STXBP5L: variants seen among roughly 807,000 people sequenced by gnomAD.
STXBP5L encodes syntaxin binding protein 5L, also known as syntaxin-binding protein 5-like.
STXBP5L carries 65 observed loss-of-function variants against 144.5 expected under a neutral mutation model. The ratio of observed to expected loss-of-function variants is 0.45; its 90% confidence interval spans 0.37 to 0.55. The LOEUF is 0.55. Among genes scored for constraint, STXBP5L ranks in the 20% least tolerant of loss-of-function variants. The pLI, the probability that STXBP5L is intolerant of heterozygous loss-of-function variation, is 0.00. For missense variants in STXBP5L, 1,298 were observed against 1,405.5 expected, an observed-to-expected ratio of 0.92 and a Z score of 1.22; for synonymous variants, 505 against 469.6, an observed-to-expected ratio of 1.08 and a Z score of -0.97.
intron 5 of STXBP5L, among the ~76,000 whole-genome samples, chr3:121,053,126 A>G (rs1237196096): frequency 2.0e-5 from 3 of 152,220 alleles, no homozygotes; most frequent in African/African-American, 7.2e-5. Context: ...TTCCATGCTC[A>G]TGGGTAGGAA....
intron 5 of STXBP5L, among the ~76,000 whole-genome samples, chr3:121,093,323 A>G (rs1224932122): frequency 6.6e-6 from 1 of 151,980 alleles, no homozygotes; most frequent in Non-Finnish European, 1.5e-5. Context: ...TTTTCTATTG[A>G]TTGGAATAGT....
intron 22 of STXBP5L, among the ~76,000 whole-genome samples, chr3:121,390,006 A>T (rs951551331): frequency 1.3e-5 from 2 of 152,048 alleles, no homozygotes; most frequent in African/African-American, 4.8e-5. Flanking sequence ...TCCCATTATT[A>T]TTGTGTGGGA....
At chr3:120,929,093 A>G (rs1257198505) in intron 2 of STXBP5L, among the ~76,000 whole-genome samples, 1 of 152,150 alleles carries the variant, frequency 6.6e-6, no homozygotes, top group Non-Finnish European at 1.5e-5. Context: ...GAGGCATTCT[A>G]TGTGATTGGT....
intron 3 of STXBP5L, among the ~76,000 whole-genome samples, chr3:121,005,516 T>G (rs1576635957): frequency 6.6e-6 from 1 of 152,308 alleles, no homozygotes; most frequent in Non-Finnish European, 1.5e-5. Flanking sequence ...CTGGATTCAT[T>G]GATGTTTTGA....
intron 22 of STXBP5L, among the ~76,000 whole-genome samples, chr3:121,393,003 TC>T (rs1489983669): frequency 6.6e-6 from 1 of 151,914 alleles, no homozygotes; most frequent in African/African-American, 2.4e-5. Flanking sequence ...TTGAGACATC[TC>T]CATATTGCTT....
chr3:121,038,719 A>C (rs1946933885), intron 3 of STXBP5L, among the ~76,000 whole-genome samples: 1 of 151,776 alleles, frequency 6.6e-6, no homozygotes, highest in Admixed American at 6.6e-5. Flanking sequence ...TTGTGAATTC[A>C]TCTGTTTCTC....
chr3:120,989,517 G>A (rs934831845), intron 3 of STXBP5L, among the ~76,000 whole-genome samples: 1 of 152,156 alleles, frequency 6.6e-6, no homozygotes, highest in African/African-American at 2.4e-5. Flanking sequence ...TGAATTCCTT[G>A]TAGATTCTGC....
chr3:121,051,752 G>C (rs1220046208), intron 5 of STXBP5L, among the ~76,000 whole-genome samples: 2 of 152,026 alleles, frequency 1.3e-5, no homozygotes, highest in East Asian at 1.9e-4. Flanking sequence ...AGAACTGAAG[G>C]AAATAGAGAC....
At chr3:121,109,746 C>A (rs1035604045) in intron 5 of STXBP5L, among the ~76,000 whole-genome samples, 1 of 152,090 alleles carries the variant, frequency 6.6e-6, no homozygotes, top group African/African-American at 2.4e-5. Flanking sequence ...TAAGCCAGAG[C>A]TGAGTTTGAG....
intron 18 of STXBP5L, among the ~76,000 whole-genome samples, chr3:121,262,377 C>G (rs1254645761): frequency 6.6e-6 from 1 of 152,232 alleles, no homozygotes; most frequent in Admixed American, 6.5e-5. Context: ...CGCCTGTAAT[C>G]CCAGCACTTC....
At chr3:121,066,190 A>G (rs2041534461) in intron 5 of STXBP5L, among the ~76,000 whole-genome samples, 1 of 152,172 alleles carries the variant, frequency 6.6e-6, no homozygotes, top group Non-Finnish European at 1.5e-5. Flanking sequence ...ATAGGCCTCC[A>G]GTACAGTACT....
intron 7 of STXBP5L, among the ~76,000 whole-genome samples, chr3:121,149,857 T>C (rs572509223): frequency 2.3e-4 from 35 of 152,226 alleles, no homozygotes; most frequent in African/African-American, 8.2e-4. Flanking sequence ...TTAATTCTGC[T>C]TTCTGAGATT....
rs185608157 is a variant in STXBP5L at position 121,363,383 on chromosome 3, G to T, written c.2177-15333G>T. ...TTTCAAATTTATTTGGAGACACAGA[G>T]AGCTGTAGCCCTTGGTGGTGATGTT... On this transcript the variant is annotated intron_variant, in intron 20 of 26. Coordinates refer to ENST00000471454, the MANE Select transcript of STXBP5L (RefSeq NM_001308330.2). Among the ~76,000 whole-genome samples the T allele has an allele frequency of 4.7e-4, 71 of 152,316 alleles. 1 individual carries two copies. The East Asian group carries it at 0.013, about 28-fold the overall frequency.
At chr3:121,044,276 G>C (rs1947358015) in intron 4 of STXBP5L, among the ~76,000 whole-genome samples, 1 of 151,984 alleles carries the variant, frequency 6.6e-6, no homozygotes, top group Non-Finnish European at 1.5e-5. Context: ...TCCTCTCTGA[G>C]ACTAAAATCA....
rs902498376 is a variant in STXBP5L at position 121,420,577 on chromosome 3, A to T, written c.*1480A>T. On this transcript the variant is annotated 3_prime_UTR_variant, in exon 27 of 27. Transcript: ENST00000471454. Reference sequence around the variant, plus strand: ...AAATAGAGACACCTACTACCATTTAACATGATTCTGGAAGTCAAAAGTTAT... The same window carrying T: ...AAATAGAGACACCTACTACCATTTATCATGATTCTGGAAGTCAAAAGTTAT... The T allele has an allele frequency of 3.9e-5, 6 of 152,158 alleles. No homozygotes were observed. The highest frequency in any genetic ancestry group is 3.9e-4 in the Admixed American group (6 of 15,272). 9.4% of individuals were successfully genotyped at this position (152,158 alleles called of 1,614,324 possible). A position where few individuals can be genotyped will look rare whatever the true frequency, so the allele number is the denominator to read the frequency against.
chr3:121,059,492 T>A (rs1308089789), intron 5 of STXBP5L, among the ~76,000 whole-genome samples: 1 of 152,178 alleles, frequency 6.6e-6, no homozygotes, highest in African/African-American at 2.4e-5. Context: ...TAAAGTAGTT[T>A]TTTTTCTAAT....
At chr3:121,054,219 G>A (rs1288059314) in intron 5 of STXBP5L, among the ~76,000 whole-genome samples, 1 of 152,098 alleles carries the variant, frequency 6.6e-6, no homozygotes, top group Non-Finnish European at 1.5e-5. Flanking sequence ...AATACCATTT[G>A]ACCCAGCCAT....
At chr3:121,055,819 C>T (rs1948418968) in intron 5 of STXBP5L, among the ~76,000 whole-genome samples, 1 of 151,844 alleles carries the variant, frequency 6.6e-6, no homozygotes, top group African/African-American at 2.4e-5. Flanking sequence ...CCCACCTTAG[C>T]CTCCTGAGGT....
At chr3:121,243,330 A>G (rs1248972534) in intron 14 of STXBP5L, among the ~76,000 whole-genome samples, 1 of 152,150 alleles carries the variant, frequency 6.6e-6, no homozygotes, top group Non-Finnish European at 1.5e-5. Flanking sequence ...GAAACTGGAA[A>G]ACTTCACTAG....
Sources: allele counts gnomAD v4.1 joint callset (sites outside exome capture counted in the v4.1 genomes callset), GRCh38; gene constraint gnomAD v4.1.1; transcripts MANE v1.5; gene names NCBI Gene and HGNC (gene_info 2026-07-23, HGNC 2026-07-21).